PLA1A: variants seen among roughly 807,000 people sequenced by gnomAD.
PLA1A encodes phosphatidylserine-specific phospholipase A1alpha.
In PLA1A, 47 loss-of-function variants were observed where a neutral mutation model predicts 49.4. The observed-to-expected ratio is 0.95, with a 90% confidence interval of 0.75 to 1.21. PLA1A has a LOEUF of 1.21. PLA1A is among the 50% of genes most tolerant of loss of function. The pLI is 0.00. For synonymous variants in PLA1A, 224 were observed against 207.9 expected, an observed-to-expected ratio of 1.08 and a Z score of -0.67; for missense variants, 561 against 563.9, an observed-to-expected ratio of 0.99 and a Z score of 0.05.
chr3:119,626,797 G>A (rs1332347259), intron 9 of PLA1A, among the ~76,000 whole-genome samples: 1 of 152,146 alleles, frequency 6.6e-6, no homozygotes, highest in Non-Finnish European at 1.5e-5. Flanking sequence ...ACACAGCTAG[G>A]TACAGCCATC....
chr3:119,626,099 T>C (rs2052532215), intron 9 of PLA1A, among the ~76,000 whole-genome samples: 1 of 152,148 alleles, frequency 6.6e-6, no homozygotes, highest in South Asian at 2.1e-4. Context: ...ATGCAGAGAT[T>C]AATCACAACA....
chr3:119,628,589 T>C, intron 9 of PLA1A, 112 bp from the exon 10 acceptor site: 1 of 890,820 alleles, frequency 1.1e-6, no homozygotes, highest in Non-Finnish European at 1.8e-6. Context: ...AGCTAACCCC[T>C]TGGTGCATGA....
chr3:119,610,545 C>T (rs947905964), intron 4 of PLA1A, among the ~76,000 whole-genome samples: 1 of 151,826 alleles, frequency 6.6e-6, no homozygotes, highest in African/African-American at 2.4e-5. Flanking sequence ...GATGGTATAT[C>T]ATGGTGTGAT....
At chr3:119,618,803 G>T (rs903066959) in intron 7 of PLA1A, among the ~76,000 whole-genome samples, 1 of 152,092 alleles carries the variant, frequency 6.6e-6, no homozygotes, top group Admixed American at 6.5e-5. Context: ...CAGTGGAAAT[G>T]GTTTCTCTCC....
At chr3:119,615,932 C>T (rs901977248) in intron 5 of PLA1A, 80 bp from the exon 6 acceptor site, 3 of 832,738 alleles carry the variant, frequency 3.6e-6, no homozygotes, top group African/African-American at 3.3e-5. Context: ...AGTGGGTGGG[C>T]TCCCAAGGTC....
At chr3:119,622,106 A>AAGGAGAAGGAGAAGAAGAAGAAGT (rs2082943026) in intron 8 of PLA1A, among the ~76,000 whole-genome samples, 1 of 129,930 alleles carries the variant, frequency 7.7e-6, no homozygotes, top group African/African-American at 2.8e-5. Flanking sequence ...GAAGAAGAAG[A>AAGGAGAAGGAGAAGAAGAAGAAGT]AGGAGAAGGA....
chr3:119,600,246 C>G, intron 1 of PLA1A: 2 of 614,764 alleles, frequency 3.3e-6, no homozygotes, highest in Middle Eastern at 8.5e-4. Flanking sequence ...GGCTGTGTAC[C>G]CACACAATCT....
chr3:119,618,743 G>A (rs184243985), intron 7 of PLA1A, among the ~76,000 whole-genome samples: 1 of 142,300 alleles, frequency 7.0e-6, no homozygotes, highest in Admixed American at 7.0e-5. Context: ...TCATTGCTAT[G>A]CATATCCCGT....
At chr3:119,599,483 G>T (rs2082586270) in intron 1 of PLA1A, among the ~76,000 whole-genome samples, 1 of 152,142 alleles carries the variant, frequency 6.6e-6, no homozygotes, top group South Asian at 2.1e-4. Flanking sequence ...GAAGGCATTT[G>T]CTAGTTGTCC....
At chr3:119,611,628 G>C (rs2082765467) in intron 4 of PLA1A, among the ~76,000 whole-genome samples, 1 of 152,122 alleles carries the variant, frequency 6.6e-6, no homozygotes, top group Admixed American at 6.6e-5. Flanking sequence ...TATCATAAAT[G>C]AGATTGCATT....
intron 10 of PLA1A, 141 bp from the exon 11 acceptor site, chr3:119,629,243 C>T (rs1243757960): frequency 7.4e-6 from 5 of 673,504 alleles, no homozygotes; most frequent in Non-Finnish European, 1.1e-5. Flanking sequence ...CACCCCTGGG[C>T]ACTTGGACCA....
chr3:119,621,487 T>A (rs1292978539), intron 8 of PLA1A, among the ~76,000 whole-genome samples: 1 of 152,266 alleles, frequency 6.6e-6, no homozygotes, highest in African/African-American at 2.4e-5. Flanking sequence ...CAGGCCATCA[T>A]GGCACTGGGC....
chr3:119,624,266 CAGG>C (rs1010713816), intron 8 of PLA1A, among the ~76,000 whole-genome samples: 3 of 152,264 alleles, frequency 2.0e-5, no homozygotes, highest in East Asian at 3.9e-4. Flanking sequence ...CAGCAGAACG[CAGG>C]AGGTCAAATA....
At position 119,618,109 on chromosome 3, in the gene PLA1A, G is replaced by A; in HGVS notation, c.845G>A (p.Cys282Tyr). ...ENSCPLMAFPCASYKAFLAGR... is the reference protein window; with the variant it reads ...ENSCPLMAFPYASYKAFLAGR... ...TCCTGTCCACTGATGGCCTTTCCCTGTGCCAGCTACAAGGCCTTCCTTGCT... is the reference window on the plus strand; with the variant it reads ...TCCTGTCCACTGATGGCCTTTCCCTATGCCAGCTACAAGGCCTTCCTTGCT... Residue 282 changes from cysteine (C) to tyrosine (Y), a missense_variant, in exon 7 of 11, where the codon TGT (cysteine) becomes TAT (tyrosine). By Grantham distance (194) the Cys-to-Tyr change is radical. Coordinates refer to ENST00000273371, the MANE Select transcript of PLA1A (RefSeq NM_015900.4). The A allele has an allele frequency of 6.2e-7, 1 of 1,614,026 alleles. No homozygotes were observed.
chr3:119,607,874 A>G (rs2082709775), intron 2 of PLA1A, among the ~76,000 whole-genome samples: 1 of 151,992 alleles, frequency 6.6e-6, no homozygotes, highest in African/African-American at 2.4e-5. Context: ...CCTGGCACAC[A>G]CCCAGTCCGC....
At chr3:119,627,193 G>A (rs1212879679) in intron 9 of PLA1A, among the ~76,000 whole-genome samples, 1 of 152,158 alleles carries the variant, frequency 6.6e-6, no homozygotes, top group East Asian at 1.9e-4. Context: ...TTTGAAGAAG[G>A]CACCAGAACA....
In PLA1A at chr3:119,628,885, TC is replaced by T. The variant is rs749256835; in HGVS notation, c.1286+21del. 1.1e-5 allele frequency: 17 copies of T among 1,604,380 alleles called. No homozygotes were observed. The highest frequency in any genetic ancestry group is 9.4e-5 in the African/African-American group (7 of 74,808). On this transcript the variant is annotated intron_variant, in intron 10 of 10. Transcript: ENST00000273371. ...TGACAGGTAAGCCCCAGTATTCACC[TC>T]TGCACCAGATGCACTCACACATCAA...
At chr3:119,616,159 A>G in intron 6 of PLA1A, 58 bp downstream of exon 6, 1 of 1,096,642 alleles carries the variant, frequency 9.1e-7, no homozygotes, top group Non-Finnish European at 1.4e-6. Context: ...ATTCACCAAC[A>G]GCTTTTGTGT....
intron 4 of PLA1A, among the ~76,000 whole-genome samples, chr3:119,612,021 G>C (rs147925507): frequency 5.7e-4 from 87 of 152,312 alleles, no homozygotes; most frequent in African/African-American, 1.8e-3. Flanking sequence ...TGCTTCCAGA[G>C]CCACTCTCAG....
Sources: allele counts gnomAD v4.1 joint callset (sites outside exome capture counted in the v4.1 genomes callset), GRCh38; gene constraint gnomAD v4.1.1; transcripts MANE v1.5; gene names NCBI Gene and HGNC (gene_info 2026-07-23, HGNC 2026-07-21).